Variants in CPNE4 observed in about 807,000 individuals in gnomAD.
The protein encoded by CPNE4 is copine 4.
Under a neutral mutation model 67.9 loss-of-function variants are expected in CPNE4, and 25 were observed. The observed-to-expected ratio is 0.37, with a 90% CI of 0.27 to 0.51. The LOEUF (loss-of-function observed/expected upper bound fraction) is 0.51, where lower values mean the gene tolerates loss of function less well. Ranked by LOEUF, CPNE4 falls within the 20% of genes least tolerant of loss-of-function variation. The pLI is 0.93. For synonymous variants in CPNE4, 242 were observed against 244.9 expected (o/e 0.99, Z 0.11); for missense variants, 464 against 690.8 (o/e 0.67, Z 3.68).
intron 6 of CPNE4, among the ~76,000 whole-genome samples, chr3:131,676,029 C>CTATTATTATTATTATTATTAT (rs34007329): frequency 7.2e-5 from 10 of 138,510 alleles, no homozygotes; most frequent in Admixed American, 1.5e-4. Flanking sequence ...ATGTTATAAC[C>CTATTATTATTATTATTATTAT]TATTATTATT....
intron 7 of CPNE4, among the ~76,000 whole-genome samples, chr3:131,649,488 C>T (rs372044466): frequency 6.6e-4 from 101 of 152,296 alleles, no homozygotes; most frequent in African/African-American, 2.4e-3. Context: ...ACTATAGGGC[C>T]AGTTGGATGC....
intron 1 of CPNE4, among the ~76,000 whole-genome samples, chr3:131,939,480 C>G (rs2071325629): frequency 6.6e-6 from 1 of 152,032 alleles, no homozygotes; most frequent in Non-Finnish European, 1.5e-5. Context: ...AAACTATTAA[C>G]AGTGTATATT....
At chr3:131,711,582 G>A (rs749468764) in intron 3 of CPNE4, among the ~76,000 whole-genome samples, 2 of 152,250 alleles carry the variant, frequency 1.3e-5, no homozygotes, top group Admixed American at 6.5e-5. Flanking sequence ...ATGCACCTTT[G>A]CTGACCTGTG....
chr3:131,833,818 G>A (rs1234316934), intron 2 of CPNE4, among the ~76,000 whole-genome samples: 3 of 152,152 alleles, frequency 2.0e-5, no homozygotes, highest in Non-Finnish European at 4.4e-5. Context: ...CAGTTATCTT[G>A]TGTATCCCAC....
At chr3:131,952,446 G>GC (rs537929549) in intron 1 of CPNE4, among the ~76,000 whole-genome samples, 1 of 137,964 alleles carries the variant, frequency 7.2e-6, no homozygotes. Context: ...TCTCCGCCCA[G>GC]CAGCCACCCC....
chr3:131,588,974 G>A (rs72999240), intron 7 of CPNE4, among the ~76,000 whole-genome samples: 1 of 152,086 alleles, frequency 6.6e-6, no homozygotes, highest in Admixed American at 6.6e-5. Flanking sequence ...AATGTATATA[G>A]GCTAGCAGGT....
chr3:131,697,261 T>C (rs1450568774), intron 4 of CPNE4, among the ~76,000 whole-genome samples: 1 of 152,152 alleles, frequency 6.6e-6, no homozygotes, highest in Non-Finnish European at 1.5e-5. Context: ...AACAAAGCCT[T>C]GGAGCAGAAA....
intron 2 of CPNE4, among the ~76,000 whole-genome samples, chr3:131,850,064 T>A (rs776211259): frequency 1.8e-4 from 27 of 152,144 alleles, no homozygotes; most frequent in Non-Finnish European, 2.5e-4. Flanking sequence ...ATGACTGTTA[T>A]CCCCTTAATA....
chr3:131,814,465 T>C (rs1270953799), intron 2 of CPNE4, among the ~76,000 whole-genome samples: 1 of 151,544 alleles, frequency 6.6e-6, no homozygotes, highest in Non-Finnish European at 1.5e-5. Flanking sequence ...CTACCGTGTG[T>C]ACAGAAGGGA....
At chr3:131,963,402 C>T (rs1473187406) in intron 1 of CPNE4, among the ~76,000 whole-genome samples, 3 of 152,048 alleles carry the variant, frequency 2.0e-5, no homozygotes, top group Admixed American at 1.3e-4. Flanking sequence ...CCGTTCACTC[C>T]CTTGGAAAGG....
At chr3:131,656,299 A>G (rs1204547917) in intron 7 of CPNE4, among the ~76,000 whole-genome samples, 1 of 152,232 alleles carries the variant, frequency 6.6e-6, no homozygotes. Context: ...GAAAGCTTCC[A>G]TGATGAATGT....
At chr3:131,667,833 A>G (rs1560081827) in intron 7 of CPNE4, among the ~76,000 whole-genome samples, 1 of 152,154 alleles carries the variant, frequency 6.6e-6, no homozygotes, top group Middle Eastern at 3.4e-3. Context: ...CCTCCTCATA[A>G]AAAGTTTAAT....
chr3:131,778,527 C>G (rs2083349204), intron 2 of CPNE4, among the ~76,000 whole-genome samples: 1 of 152,066 alleles, frequency 6.6e-6, no homozygotes, highest in Non-Finnish European at 1.5e-5. Context: ...CAGCTTCTGG[C>G]ATAAAGTAGA....
intron 6 of CPNE4, among the ~76,000 whole-genome samples, chr3:131,671,874 G>A (rs9852355): frequency 0.29 from 43,845 of 151,704 alleles, 6,601 homozygotes; most frequent in Middle Eastern, 0.34. Flanking sequence ...ATTGTTGACT[G>A]TAGTCACCAT....
intron 2 of CPNE4, among the ~76,000 whole-genome samples, chr3:131,842,205 A>G (rs1156358647): frequency 6.6e-6 from 1 of 152,250 alleles, no homozygotes; most frequent in African/African-American, 2.4e-5. Context: ...GGTCTGCAGA[A>G]GTTTCTACAA....
chr3:131,765,140 T>G (rs535561144), intron 2 of CPNE4, among the ~76,000 whole-genome samples: 2 of 152,188 alleles, frequency 1.3e-5, no homozygotes, highest in South Asian at 2.1e-4. Context: ...ACATTAGGAT[T>G]GTTATGAGAA....
intron 2 of CPNE4, among the ~76,000 whole-genome samples, chr3:131,843,503 A>G (rs2085876062): frequency 6.6e-6 from 1 of 152,230 alleles, no homozygotes; most frequent in Admixed American, 6.5e-5. Flanking sequence ...AAGCAATTCA[A>G]CACATTTTAG....
chr3:131,859,328 G>C (rs1461409606), intron 2 of CPNE4, among the ~76,000 whole-genome samples: 2 of 152,138 alleles, frequency 1.3e-5, no homozygotes, highest in African/African-American at 2.4e-5. Flanking sequence ...TCCTTATCTT[G>C]TTCTTATGTG....
At chr3:131,537,269 A>AT (rs1935203425) in intron 15 of CPNE4, among the ~76,000 whole-genome samples, 1 of 143,804 alleles carries the variant, frequency 7.0e-6, no homozygotes, top group Admixed American at 6.9e-5. Context: ...AGACTTGTAC[A>AT]TTTTTTCTTT....
Sources: gnomAD v4.1 joint callset for allele counts (sites outside exome capture counted in the v4.1 genomes callset) on GRCh38, gnomAD v4.1.1 for gene constraint, MANE v1.5 for transcripts, NCBI Gene and HGNC (gene_info 2026-07-23, HGNC 2026-07-21) for gene names.